The following CAPN8 variants were observed in gnomAD, a reference collection of about 807,000 sequenced individuals.
The protein encoded by CAPN8 is calpain-8.
In CAPN8, 87 loss-of-function variants were observed where a neutral mutation model predicts 80.9. The observed-to-expected ratio is 1.07, with a 90% CI of 0.90 to 1.28. CAPN8 has a LOEUF of 1.28. Among genes scored for constraint, CAPN8 ranks in the 50% most tolerant of loss-of-function variants. CAPN8 has a pLI of 0.00. For synonymous variants in CAPN8, 299 were observed against 273.8 expected, an observed-to-expected ratio of 1.09 and a Z score of -0.91; for missense variants, 757 against 702.0, an observed-to-expected ratio of 1.08 and a Z score of -0.89.
chr1:223,641,829 G>A (rs1658049967), intron 2 of CAPN8, among the ~76,000 whole-genome samples: 1 of 152,300 alleles, frequency 6.6e-6, no homozygotes, highest in Non-Finnish European at 1.5e-5. Flanking sequence ...CTGTTTCCTG[G>A]CATGAAGAAG....
chr1:223,628,331 G>C (rs1052699281), intron 3 of CAPN8, among the ~76,000 whole-genome samples, 189 bp from the exon 4 acceptor site: 10 of 152,312 alleles, frequency 6.6e-5, no homozygotes, highest in Admixed American at 3.9e-4. Context: ...ATCTAGTCCA[G>C]GGTCTGCGTT....
chr1:223,661,718 T>C (rs1305142149), intron 1 of CAPN8, among the ~76,000 whole-genome samples: 1 of 152,140 alleles, frequency 6.6e-6, no homozygotes, highest in Non-Finnish European at 1.5e-5. Context: ...CTGGTGGGAA[T>C]GCAAAATGGT....
At chr1:223,621,913 G>A (rs1040950153) in intron 7 of CAPN8, among the ~76,000 whole-genome samples, 1 of 151,894 alleles carries the variant, frequency 6.6e-6, no homozygotes, top group Admixed American at 6.6e-5. Flanking sequence ...CTGGAATGCA[G>A]TGGCCCAATC....
chr1:223,660,589 G>A (rs1232690179), intron 1 of CAPN8, among the ~76,000 whole-genome samples: 1 of 152,222 alleles, frequency 6.6e-6, no homozygotes, highest in Non-Finnish European at 1.5e-5. Context: ...CTTATGAATA[G>A]GCAGAAACGC....
intron 2 of CAPN8, chr1:223,642,539 T>A (rs2102726138): frequency 3.5e-6 from 1 of 285,124 alleles, no homozygotes; most frequent in Non-Finnish European, 6.9e-6. Flanking sequence ...ATTTGGCATT[T>A]GGCCGAGGAC....
At chr1:223,626,868 T>A (rs967406784) in intron 5 of CAPN8, 121 bp downstream of exon 5, 7 of 1,032,454 alleles carry the variant, frequency 6.8e-6, no homozygotes, top group Non-Finnish European at 9.7e-6. Flanking sequence ...CCCACTAAGC[T>A]CCAGACTCTG....
intron 9 of CAPN8, among the ~76,000 whole-genome samples, chr1:223,618,474 C>A (rs1237812988): frequency 6.6e-6 from 1 of 152,244 alleles, no homozygotes; most frequent in Non-Finnish European, 1.5e-5. Context: ...CCACCTCCAA[C>A]TCAGGCACAA....
chr1:223,662,738 T>TGAGA (rs1658680635), intron 1 of CAPN8, among the ~76,000 whole-genome samples: 1 of 152,184 alleles, frequency 6.6e-6, no homozygotes, highest in Non-Finnish European at 1.5e-5. Context: ...TGCACCACAT[T>TGAGA]TCTGGATACC....
chr1:223,625,071 C>T (rs777771375), intron 6 of CAPN8, among the ~76,000 whole-genome samples: 15 of 151,938 alleles, frequency 9.9e-5, no homozygotes, highest in Non-Finnish European at 1.6e-4. Context: ...CCAGCCTGGG[C>T]GACAGAGCGA....
Position 223,620,248 on chromosome 1 carries a change from G to A in CAPN8, c.918C>T (p.His306=), listed in dbSNP as rs1426644344. The change falls in exon 8 of 21, where the codon CAC becomes CAT. Residue 306 remains histidine (H), a synonymous_variant. Transcript: ENST00000366872. ...AWSDDAPEWN[H]IDPRRKEELD... is the part of the protein sequence containing the mutation. ...GTTCTTCCTTCCGCCGGGGGTCTATGTGATTCCACTCTGGTGCACTGAGGG... is the reference window on the plus strand; with the variant it reads ...GTTCTTCCTTCCGCCGGGGGTCTATATGATTCCACTCTGGTGCACTGAGGG... 6.4e-7 allele frequency: 1 copy of A among 1,551,524 alleles called. No individual in the cohort carries two copies. Among genetic ancestry groups the A allele is most frequent in the African/African-American group, 1.4e-5 (1 of 73,036 alleles).
intron 2 of CAPN8, among the ~76,000 whole-genome samples, chr1:223,635,280 C>T (rs530937248): frequency 6.6e-6 from 1 of 152,178 alleles, no homozygotes; most frequent in Non-Finnish European, 1.5e-5. Context: ...GGTGAACACG[C>T]CTTTTGAAGC....
intron 19 of CAPN8, 101 bp downstream of exon 19, chr1:223,543,966 G>A (rs1558334026): frequency 1.2e-5 from 8 of 645,022 alleles, no homozygotes; most frequent in Non-Finnish European, 2.3e-5. Context: ...TGGGTCCCTG[G>A]CCTCCTAAAG....
chr1:223,547,708 A>G (rs529995106), intron 16 of CAPN8, among the ~76,000 whole-genome samples: 98 of 152,270 alleles, frequency 6.4e-4, no homozygotes, highest in African/African-American at 2.4e-3. Context: ...TAAACTGTGG[A>G]ACAGAAACTC....
rs1441141490 is a variant in CAPN8, at chr1:223,627,286, C to T, written c.561-129G>A. 4.6e-6 allele frequency: 5 copies of T among 1,076,794 alleles called. No individual in the cohort carries two copies. In the African/African-American group the frequency reaches 6.4e-5, roughly 14 times the overall value. 66.7% of individuals were successfully genotyped at this position (1,076,794 alleles called of 1,614,324 possible). A position where few individuals can be genotyped will look rare whatever the true frequency, so the allele number is the denominator to read the frequency against. On this transcript the variant is annotated intron_variant, in intron 4 of 20. Coordinates refer to ENST00000366872, the MANE Select transcript of CAPN8 (RefSeq NM_001143962.2). ...AAGGAAGGCTCTTTGCCTATTTTGC[C>T]TATGGGCCAGGAAGGTGCTTAGGCC...
In CAPN8 at chr1:223,665,260, T is replaced by C. The variant is rs916578311; in HGVS notation, c.237+150A>G. 3.7e-5 allele frequency: 24 copies of C among 645,334 alleles called. No homozygotes were observed. The African/African-American group carries it at 3.8e-4, about 10-fold the overall frequency. The allele number at this position is 645,334 out of a possible 1,614,324, so 40.0% of individuals were successfully genotyped here. On this transcript the variant is annotated intron_variant, in intron 1 of 20. Coordinates refer to ENST00000366872, the MANE Select transcript of CAPN8 (RefSeq NM_001143962.2). Reference sequence around the variant, plus strand: ...AGAGCAAGACTCCATCTCAAAAAAATAAAATTAAAAAAGGTGGTGGTGGAG... The same window carrying C: ...AGAGCAAGACTCCATCTCAAAAAAACAAAATTAAAAAAGGTGGTGGTGGAG...
chr1:223,627,401 C>G (rs1237280563), intron 4 of CAPN8, among the ~76,000 whole-genome samples: 1 of 152,200 alleles, frequency 6.6e-6, no homozygotes, highest in Non-Finnish European at 1.5e-5. Context: ...AAGCCAAGGG[C>G]AACCCCTCCA....
intron 4 of CAPN8, 83 bp downstream of exon 4, chr1:223,627,926 G>T (rs146698998): frequency 1.4e-6 from 2 of 1,426,972 alleles, no homozygotes; most frequent in East Asian, 5.1e-5. Context: ...TGAGTTTGGG[G>T]TGGGGAGGCA....
At position 223,620,027 on chromosome 1, in the gene CAPN8, C is replaced by G. The variant is rs145073519; in HGVS notation, c.974+165G>C. Among the ~76,000 whole-genome samples, 701 of 152,218 alleles carry G rather than the reference C, an allele frequency of 4.6e-3. 4 individuals are homozygous for G. The highest frequency in any genetic ancestry group is 0.024 in the Middle Eastern group (7 of 294). ...TCATGGTTTCAGTGCTTTAGACGTGCTGGTATAGAGGTGGAATTATACCAG... is the reference window on the plus strand; with the variant it reads ...TCATGGTTTCAGTGCTTTAGACGTGGTGGTATAGAGGTGGAATTATACCAG... On this transcript the variant is annotated intron_variant, in intron 8 of 20. Coordinates refer to ENST00000366872, the MANE Select transcript of CAPN8 (RefSeq NM_001143962.2).
intron 16 of CAPN8, among the ~76,000 whole-genome samples, chr1:223,549,011 C>G (rs34167027): frequency 0.44 from 66,099 of 150,934 alleles, 14,740 homozygotes; most frequent in African/African-American, 0.53. Flanking sequence ...GTGGAGGGAG[C>G]AGGTGCGCAA....
Sources: allele counts gnomAD v4.1 joint callset (sites outside exome capture counted in the v4.1 genomes callset), GRCh38; gene constraint gnomAD v4.1.1; transcripts MANE v1.5; gene names NCBI Gene and HGNC (gene_info 2026-07-23, HGNC 2026-07-21).